The following HS3ST2 variants were observed in gnomAD, a reference collection of about 807,000 sequenced individuals.
HS3ST2 encodes heparan sulfate-glucosamine 3-sulfotransferase 2.
Under a neutral mutation model 26.3 loss-of-function variants are expected in HS3ST2, and 17 were observed. That is an observed-to-expected ratio of 0.65 (90% CI 0.44 to 0.97). The LOEUF (loss-of-function observed/expected upper bound fraction) is 0.97, where lower values mean the gene tolerates loss of function less well. Ranked by LOEUF, HS3ST2 falls within the 50% of genes least tolerant of loss-of-function variation. The pLI is 0.00. For missense variants in HS3ST2, 402 were observed against 501.2 expected, an observed-to-expected ratio of 0.80 and a Z score of 1.89; for synonymous variants, 237 against 219.2, an observed-to-expected ratio of 1.08 and a Z score of -0.72.
intron 1 of HS3ST2, among the ~76,000 whole-genome samples, chr16:22,903,257 C>CA (rs1433302078): frequency 6.6e-6 from 1 of 152,160 alleles, no homozygotes; most frequent in African/African-American, 2.4e-5. Flanking sequence ...TTCCTCAGTA[C>CA]AAAAACTGGA....
chr16:22,868,840 CCTATAATTT>C (rs945523972), intron 1 of HS3ST2, among the ~76,000 whole-genome samples: 1 of 151,960 alleles, frequency 6.6e-6, no homozygotes, highest in African/African-American at 2.4e-5. Flanking sequence ...TTGAATAAAA[CCTATAATTT>C]CATTTTTAAA....
At chr16:22,872,567 G>C (rs759849619) in intron 1 of HS3ST2, among the ~76,000 whole-genome samples, 3 of 152,136 alleles carry the variant, frequency 2.0e-5, no homozygotes, top group Non-Finnish European at 2.9e-5. Flanking sequence ...GGAAAGAAGT[G>C]GTTTCTTCTT....
At chr16:22,854,857 A>G (rs1172522775) in intron 1 of HS3ST2, 1 of 152,168 alleles carries the variant, frequency 6.6e-6, no homozygotes, top group Non-Finnish European at 1.5e-5. Context: ...TCAAGCTGCT[A>G]TCAAACTACT....
intron 1 of HS3ST2, among the ~76,000 whole-genome samples, chr16:22,850,516 G>A (rs1027134362): frequency 3.3e-5 from 5 of 152,164 alleles, no homozygotes; most frequent in Non-Finnish European, 7.3e-5. Context: ...GTCGGGCGCA[G>A]TGGCTCACAC....
chr16:22,860,139 C>G (rs1901654694), intron 1 of HS3ST2, among the ~76,000 whole-genome samples: 8 of 152,116 alleles, frequency 5.3e-5, no homozygotes, highest in Admixed American at 5.2e-4. Context: ...TAATGAAGAC[C>G]TAGCTGAGAG....
intron 1 of HS3ST2, among the ~76,000 whole-genome samples, chr16:22,818,552 A>G (rs1247653730): frequency 6.6e-6 from 1 of 152,142 alleles, no homozygotes; most frequent in Non-Finnish European, 1.5e-5. Flanking sequence ...CTGTTACTAA[A>G]TCGGGCTGAG....
At chr16:22,909,099 A>G (rs951493217) in intron 1 of HS3ST2, among the ~76,000 whole-genome samples, 1 of 152,204 alleles carries the variant, frequency 6.6e-6, no homozygotes, top group African/African-American at 2.4e-5. Context: ...TGGAATTTCA[A>G]TCTTTATGAC....
chr16:22,868,701 G>GT (rs1901791650), intron 1 of HS3ST2, among the ~76,000 whole-genome samples: 1 of 152,036 alleles, frequency 6.6e-6, no homozygotes, highest in Non-Finnish European at 1.5e-5. Context: ...GCACTGATTT[G>GT]TTTCCTTTTG....
At chr16:22,859,919 G>A (rs972704151) in intron 1 of HS3ST2, among the ~76,000 whole-genome samples, 15 of 152,192 alleles carry the variant, frequency 9.9e-5, no homozygotes, top group South Asian at 4.1e-4. Context: ...GGGTCTGAGC[G>A]TGTGCACCCC....
intron 1 of HS3ST2, among the ~76,000 whole-genome samples, chr16:22,819,519 G>T (rs1038555484): frequency 1.3e-5 from 2 of 152,156 alleles, no homozygotes; most frequent in Non-Finnish European, 2.9e-5. Context: ...AATTTTGCTG[G>T]TGTTTCGGTA....
At chr16:22,905,715 C>T (rs919034728) in intron 1 of HS3ST2, among the ~76,000 whole-genome samples, 4 of 152,074 alleles carry the variant, frequency 2.6e-5, no homozygotes, top group African/African-American at 4.8e-5. Flanking sequence ...TACCATCTAC[C>T]GTGGGATGGG....
intron 1 of HS3ST2, among the ~76,000 whole-genome samples, chr16:22,907,484 T>G (rs1902370897): frequency 6.6e-6 from 1 of 152,184 alleles, no homozygotes; most frequent in Non-Finnish European, 1.5e-5. Flanking sequence ...GACAAGGGCC[T>G]GTGGCTGTTT....
intron 1 of HS3ST2, among the ~76,000 whole-genome samples, chr16:22,870,998 C>T (rs979264993): frequency 1.3e-4 from 20 of 152,212 alleles, no homozygotes; most frequent in African/African-American, 4.8e-4. Context: ...ATGCAGGCAC[C>T]CTGTTTTTCA....
At position 22,911,695 on chromosome 16, in the gene HS3ST2, A is replaced by G. The variant is rs527632039; in HGVS notation, c.486-3249A>G. On this transcript the variant is annotated intron_variant, in intron 1 of 1. Coordinates refer to ENST00000261374, the MANE Select transcript of HS3ST2 (RefSeq NM_006043.2). ...TTCAGGTCACCGTATTTCCTGTGTG[A>G]CTCTTCTTCCCTTCTCTAACAAGGA... Among the ~76,000 whole-genome samples, 4 of 150,228 alleles carry G rather than the reference A, an allele frequency of 2.7e-5. No homozygotes were observed. In the South Asian group the frequency reaches 8.5e-4, roughly 32 times the overall value.
At chr16:22,852,691 T>C (rs1004084257) in intron 1 of HS3ST2, among the ~76,000 whole-genome samples, 3 of 152,186 alleles carry the variant, frequency 2.0e-5, no homozygotes, top group African/African-American at 7.2e-5. Context: ...CTCCAGCTGG[T>C]TATTAATGCG....
At chr16:22,819,352 C>G (rs932857624) in intron 1 of HS3ST2, among the ~76,000 whole-genome samples, 2 of 151,928 alleles carry the variant, frequency 1.3e-5, no homozygotes, top group Non-Finnish European at 2.9e-5. Context: ...AATGTTTTTC[C>G]AAATCTAAGG....
chr16:22,910,855 G>A (rs569070527), intron 1 of HS3ST2, among the ~76,000 whole-genome samples: 3 of 152,206 alleles, frequency 2.0e-5, no homozygotes, highest in East Asian at 1.9e-4. Context: ...CCTTGTTCTC[G>A]GAGACTAGCA....
chr16:22,839,623 T>A (rs1901323464), intron 1 of HS3ST2, among the ~76,000 whole-genome samples: 1 of 152,284 alleles, frequency 6.6e-6, no homozygotes, highest in South Asian at 2.1e-4. Context: ...TATGCTTTTT[T>A]TTTTGTTTTT....
At position 22,915,417 on chromosome 16, in the gene HS3ST2, G is replaced by A; in HGVS notation, c.959G>A (p.Ser320Asn). The change falls in exon 2 of 2, where the codon AGC becomes AAC. Residue 320 changes from serine to asparagine, a missense_variant. Ser to Asn is a conservative substitution (Grantham distance 46). Around this residue, in one of 2 missense-constraint regions of HS3ST2, gnomAD observed 237 missense variants for 346.6 expected, o/e 0.68. Transcript: ENST00000261374. ...GFPCLKKTES[S>N]LLPRCLGKSK... ...CCTTGCTTGAAAAAAACAGAATCGA[G>A]CCTCCTGCCTCGATGCTTGGGCAAA... is the stretch of plus-strand genomic sequence containing the variant. The A allele has an allele frequency of 1.2e-6, 2 of 1,613,844 alleles. No individual in the cohort carries two copies. Among genetic ancestry groups the A allele is most frequent in the Non-Finnish European group, 1.7e-6 (2 of 1,179,964 alleles).
Sources: gnomAD v4.1 joint callset for allele counts (sites outside exome capture counted in the v4.1 genomes callset) on GRCh38, gnomAD v4.1.1 for gene constraint, gnomAD v4.1.1 regional missense constraint, MANE v1.5 for transcripts, NCBI Gene and HGNC (gene_info 2026-07-23, HGNC 2026-07-21) for gene names.